Variants in FSD2 observed in about 807,000 individuals in gnomAD.
FSD2 encodes the protein fibronectin type III and SPRY domain-containing protein 2.
Under a neutral mutation model 80.4 loss-of-function variants are expected in FSD2, and 71 were observed. The observed-to-expected ratio is 0.88, with a 90% CI of 0.73 to 1.08. FSD2 has a LOEUF of 1.08. Among genes scored for constraint, FSD2 ranks in the 50% least tolerant of loss-of-function variants. The pLI, the probability that FSD2 is intolerant of heterozygous loss-of-function variation, is 0.00. For synonymous variants in FSD2, 361 were observed against 329.5 expected, an observed-to-expected ratio of 1.10 and a Z score of -1.03; for missense variants, 923 against 913.8, an observed-to-expected ratio of 1.01 and a Z score of -0.13.
chr15:82,783,888 AG>A (rs2049933978), intron 3 of FSD2, among the ~76,000 whole-genome samples: 1 of 152,182 alleles, frequency 6.6e-6, no homozygotes, highest in African/African-American at 2.4e-5. Flanking sequence ...AAGATGCAAG[AG>A]GGCAGAGGGA....
intron 11 of FSD2, 62 bp downstream of exon 11, chr15:82,765,104 C>G (rs1161012461): frequency 1.3e-6 from 2 of 1,507,526 alleles, no homozygotes; most frequent in African/African-American, 2.8e-5. Flanking sequence ...CGGATTTGAC[C>G]TGAATAACAG....
rs201024587 is a variant in FSD2 at position 82,786,945 on chromosome 15, G to A, written c.446C>T (p.Ala149Val). 576 of 1,613,948 alleles carry A rather than the reference G, an allele frequency of 3.6e-4. No homozygotes were observed. Among genetic ancestry groups the A allele is most frequent in the Middle Eastern group, 2.8e-3 (17 of 6,062 alleles). ...GGCACGGCCGTGTGTGTACCTATAG[G>A]CTTCCCGCAAGTCCTGGCACTGGCC... Reference protein sequence around the residue: ...SAGQCQDLREAYRYTHGRASE... With the variant: ...SAGQCQDLREVYRYTHGRASE... The change falls in exon 2 of 13, where the codon GCC becomes GTC. Residue 149 changes from alanine to valine, a missense_variant. Physicochemically the swap from Ala to Val is moderately conservative, Grantham distance 64. Coordinates refer to ENST00000334574, the MANE Select transcript of FSD2 (RefSeq NM_001007122.4).
Position 82,799,227 on chromosome 15 carries a change from T to C in FSD2, c.-79+6739A>G, listed in dbSNP as rs372338190. On this transcript the variant is annotated intron_variant, in intron 1 of 12. Transcript: ENST00000334574. ...ATATAACATTTTCTCATGGCCTAAT[T>C]TGGAAATTCATGGACCCTGTCTGGT... Among the ~76,000 whole-genome samples, 105 of 152,240 alleles carry C rather than the reference T, an allele frequency of 6.9e-4. 1 individual carries two copies. In the South Asian group the frequency reaches 0.018, roughly 26 times the overall value.
At chr15:82,794,726 CTTT>C (rs56731193) in intron 1 of FSD2, among the ~76,000 whole-genome samples, 2 of 134,944 alleles carry the variant, frequency 1.5e-5, no homozygotes, top group African/African-American at 5.4e-5. Context: ...TGGCTCTTTT[CTTT>C]TTTTTTTTTT....
intron 6 of FSD2, among the ~76,000 whole-genome samples, chr15:82,777,508 C>T (rs988769907): frequency 3.3e-5 from 5 of 152,000 alleles, no homozygotes; most frequent in Admixed American, 1.3e-4. Flanking sequence ...GCATCAAAAC[C>T]ACAATGAGAT....
rs2050009975 is a variant in FSD2 at position 82,786,810 on chromosome 15, A to G, written c.581T>C (p.Phe194Ser). ...CACTTCATGCTCCTTATGTTCATCA[A>G]AAACCTTCTGAAAAGCTCTTATTGG... is the stretch of plus-strand genomic sequence containing the variant. ...KTPIRAFQKVFDEHKEHEVIP... is the reference protein window; with the variant it reads ...KTPIRAFQKVSDEHKEHEVIP... The change falls in exon 2 of 13, where the codon TTT becomes TCT. Residue 194 changes from phenylalanine (F) to serine (S), a missense_variant. Physicochemically the swap from Phe to Ser is radical, Grantham distance 155 (BLOSUM62 -2). Transcript: ENST00000334574. The G allele has an allele frequency of 6.2e-7, 1 of 1,613,910 alleles. No individual in the cohort carries two copies.
chr15:82,759,895 G>A (rs2049251844), intron 12 of FSD2, among the ~76,000 whole-genome samples: 1 of 151,942 alleles, frequency 6.6e-6, no homozygotes, highest in African/African-American at 2.4e-5. Flanking sequence ...CTGGGTTCAA[G>A]CAATTCTCCC....
chr15:82,762,393 G>A (rs962073233), intron 11 of FSD2, 115 bp from the exon 12 acceptor site: 3 of 907,648 alleles, frequency 3.3e-6, no homozygotes, highest in South Asian at 3.5e-5. Context: ...CGTGGTGGTA[G>A]GTGCTTCTGG....
Position 82,762,278 on chromosome 15 carries a change from C to T in FSD2, c.1821G>A (p.Arg607=). Residue 607 remains arginine (R), a splice_region_variant and synonymous_variant, in exon 12 of 13, where the codon AGG becomes AGA. Transcript: ENST00000334574. ...ELSPSDTHFT[R]CVAVMGNLIP... ...TTAGATTTCCCATGACAGCAACACA[C>T]CTGGTTTTAGAAAGTGGAAGCATGT... The T allele has an allele frequency of 6.2e-7, 1 of 1,613,202 alleles. No homozygotes were observed. The highest frequency in any genetic ancestry group is 8.5e-7 in the Non-Finnish European group (1 of 1,179,476).
chr15:82,770,331 T>A (rs1105867), intron 7 of FSD2, among the ~76,000 whole-genome samples: 1 of 152,118 alleles, frequency 6.6e-6, no homozygotes, highest in East Asian at 1.9e-4. Context: ...ACCAGCCCTA[T>A]CCAAGGTGGT....
At chr15:82,770,501 C>G (rs918897634) in intron 7 of FSD2, among the ~76,000 whole-genome samples, 1 of 152,174 alleles carries the variant, frequency 6.6e-6, no homozygotes, top group Non-Finnish European at 1.5e-5. Flanking sequence ...GAAACCTCAT[C>G]TCTACTAAAA....
At chr15:82,764,469 C>T (rs1233105480) in intron 11 of FSD2, among the ~76,000 whole-genome samples, 1 of 130,874 alleles carries the variant, frequency 7.6e-6, no homozygotes, top group Non-Finnish European at 1.6e-5. Flanking sequence ...AATCTCTGCT[C>T]TTGTTGCTTC....
intron 1 of FSD2, among the ~76,000 whole-genome samples, chr15:82,800,568 T>C (rs763044148): frequency 3.4e-4 from 51 of 151,242 alleles, no homozygotes; most frequent in Non-Finnish European, 6.5e-4. Flanking sequence ...GGTGGGTGCC[T>C]GTAATCCCAG....
At chr15:82,778,158 A>ATATATATATATGTGTATATATAT (rs1482215584) in intron 6 of FSD2, among the ~76,000 whole-genome samples, 1 of 129,068 alleles carries the variant, frequency 7.7e-6, no homozygotes, top group African/African-American at 3.3e-5. Context: ...ATATATATAT[A>ATATATATATATGTGTATATATAT]ATAACTATTA....
chr15:82,772,174 G>C lies in FSD2; in HGVS notation c.1166C>G (p.Ser389Ter). The change falls in exon 7 of 13, where the codon TCA becomes TGA. Residue 389 changes from serine to a stop codon, truncating the protein, a stop_gained. Transcript: ENST00000334574. LOFTEE classifies it high-confidence loss of function. ...PQVPNSATGSSVRVCWSLYSD... is the reference protein window; with the variant it reads ...PQVPNSATGS ...GTATAAGCTCCAGCACACTCGGACT[G>C]AGGAACCTGTGGCTGAGTTAGGGAC... 6.2e-7 allele frequency: 1 copy of C among 1,612,756 alleles called. No individual in the cohort carries two copies. Among genetic ancestry groups the C allele is most frequent in the Non-Finnish European group, 8.5e-7 (1 of 1,179,458 alleles).
At chr15:82,779,954 C>T (rs530704674) in intron 5 of FSD2, among the ~76,000 whole-genome samples, 5 of 152,034 alleles carry the variant, frequency 3.3e-5, no homozygotes, top group Non-Finnish European at 5.9e-5. Flanking sequence ...GGGGGTACTC[C>T]ACAGATCTCA....
At chr15:82,781,626 AT>A (rs538651123) in intron 4 of FSD2, among the ~76,000 whole-genome samples, 14 of 151,878 alleles carry the variant, frequency 9.2e-5, no homozygotes, top group African/African-American at 3.4e-4. Context: ...TAGGAAATGG[AT>A]TTTTTTTGCA....
intron 1 of FSD2, among the ~76,000 whole-genome samples, chr15:82,793,120 G>C (rs1365687154): frequency 6.6e-6 from 1 of 151,980 alleles, no homozygotes; most frequent in Non-Finnish European, 1.5e-5. Flanking sequence ...TTTTGAGACA[G>C]GGTCTCACTC....
intron 4 of FSD2, among the ~76,000 whole-genome samples, chr15:82,782,096 AATAATAAT>A (rs2049875493): frequency 1.4e-5 from 2 of 139,922 alleles, no homozygotes; most frequent in Admixed American, 7.3e-5. Flanking sequence ...TAATAATAAT[AATAATAAT>A]AAAACTCTTG....
Sources: gnomAD v4.1 joint callset for allele counts (sites outside exome capture counted in the v4.1 genomes callset) on GRCh38, gnomAD v4.1.1 for gene constraint, MANE v1.5 for transcripts, NCBI Gene and HGNC (gene_info 2026-07-23, HGNC 2026-07-21) for gene names.